PRKCZ: variants seen among roughly 807,000 people sequenced by gnomAD.
PRKCZ encodes the protein protein kinase C zeta, also known as protein kinase C zeta type.
In PRKCZ, 33 loss-of-function variants were observed where a neutral mutation model predicts 79.5. The observed-to-expected ratio is 0.41, with a 90% CI of 0.31 to 0.55. PRKCZ has a LOEUF of 0.55. Among genes scored for constraint, PRKCZ ranks in the 20% least tolerant of loss-of-function variants. The probability of loss-of-function intolerance (pLI) is 0.19; values close to 1 mark genes in which losing one functional copy is unlikely to be tolerated. For synonymous variants in PRKCZ, 342 were observed against 320.9 expected, an observed-to-expected ratio of 1.07 and a Z score of -0.70; for missense variants, 578 against 813.5, an observed-to-expected ratio of 0.71 and a Z score of 3.52.
At position 2,055,547 on chromosome 1, in the gene PRKCZ, T is replaced by TG; in HGVS notation, c.181dup (p.Val61GlyfsTer6). The TG allele has an allele frequency of 6.2e-7, 1 of 1,613,686 alleles. No individual in the cohort carries two copies. The highest frequency in any genetic ancestry group is 8.5e-7 in the Non-Finnish European group (1 of 1,179,838). ...CCAGCAGCACCCGCTCACCCTCAAG[T>TG]GGGTGGACAGCGAAGGTAGCCCTTG... On this transcript the variant is annotated frameshift_variant, in exon 2 of 18. Transcript: ENST00000378567. LOFTEE classifies it high-confidence loss of function.
At chr1:2,071,377 C>G (rs1321299335) in intron 4 of PRKCZ, 1 of 451,410 alleles carries the variant, frequency 2.2e-6, no homozygotes, top group African/African-American at 2.0e-5. Context: ...GCGGCCAAAC[C>G]TAGTGGGGCT....
Position 2,121,667 on chromosome 1 carries a change from CGTG to C in PRKCZ, c.335-13586_335-13584del, listed in dbSNP as rs200951482. Among the ~76,000 whole-genome samples, 9 of 109,630 alleles carry C rather than the reference CGTG, an allele frequency of 8.2e-5. 2 individuals are homozygous for C. The highest frequency in any genetic ancestry group is 2.6e-4 in the East Asian group (1 of 3,794). 71.9% of individuals were successfully genotyped at this position (109,630 alleles called of 152,430 possible). A position where few individuals can be genotyped will look rare whatever the true frequency, so the allele number is the denominator to read the frequency against. ...TTAGGGTCACGGTGGTGGTTAGGGTCGTGGTGGTGGTTAGGGTCACGGTGGTGG... is the reference window on the plus strand; with the variant it reads ...TTAGGGTCACGGTGGTGGTTAGGGTCGTGGTGGTTAGGGTCACGGTGGTGG... On this transcript the variant is annotated intron_variant, in intron 4 of 17. Coordinates refer to ENST00000378567, the MANE Select transcript of PRKCZ (RefSeq NM_002744.6).
chr1:2,080,233 G>A (rs901614036), intron 4 of PRKCZ, among the ~76,000 whole-genome samples: 2 of 143,202 alleles, frequency 1.4e-5, no homozygotes, highest in African/African-American at 6.1e-5. Flanking sequence ...TGTTTGAGCT[G>A]CTGTGTCCAC....
At chr1:2,147,932 GTCTA>G (rs1394872613) in intron 7 of PRKCZ, among the ~76,000 whole-genome samples, 3 of 136,080 alleles carry the variant, frequency 2.2e-5, no homozygotes, top group Non-Finnish European at 4.7e-5. Context: ...TGACCTCTCC[GTCTA>G]TCCATCTATC....
At chr1:2,181,664 T>C in intron 16 of PRKCZ, 5 of 347,166 alleles carry the variant, frequency 1.4e-5, no homozygotes, top group South Asian at 1.1e-4. Flanking sequence ...TCTTGAGCCC[T>C]CGGAGCAGAG....
At chr1:2,061,355 T>C (rs991055152) in intron 4 of PRKCZ, among the ~76,000 whole-genome samples, 1 of 144,440 alleles carries the variant, frequency 6.9e-6, no homozygotes, top group Non-Finnish European at 1.5e-5. Context: ...CTGCCGGCCT[T>C]GCGTAGGGAA....
In PRKCZ at chr1:2,130,294, A is replaced by G. The variant is rs187616142; in HGVS notation, c.335-4968A>G. 4.6e-5 allele frequency among the ~76,000 whole-genome samples: 7 copies of G among 152,182 alleles called. No homozygotes were observed. The East Asian group carries it at 1.3e-3, about 29-fold the overall frequency. Reference sequence around the variant, plus strand: ...CCCTGCTTTCCAGCTGGGGACTGGCATGGACCCCATGGGGCTTCCCCCATT... The same window carrying G: ...CCCTGCTTTCCAGCTGGGGACTGGCGTGGACCCCATGGGGCTTCCCCCATT... On this transcript the variant is annotated intron_variant, in intron 4 of 17. Coordinates refer to ENST00000378567, the MANE Select transcript of PRKCZ (RefSeq NM_002744.6).
At chr1:2,137,774 C>T (rs906654201) in intron 5 of PRKCZ, among the ~76,000 whole-genome samples, 5 of 152,182 alleles carry the variant, frequency 3.3e-5, no homozygotes, top group African/African-American at 9.6e-5. Flanking sequence ...CCCCTCCCCA[C>T]CACCACCAGT....
At chr1:2,181,092 C>A (rs1228745619) in intron 16 of PRKCZ, among the ~76,000 whole-genome samples, 9 of 150,926 alleles carry the variant, frequency 6.0e-5, no homozygotes, top group Admixed American at 2.0e-4. Flanking sequence ...CTCCCCACCC[C>A]ACCCCCGCCA....
At chr1:2,116,655 A>G (rs563684350) in intron 4 of PRKCZ, among the ~76,000 whole-genome samples, 1 of 152,150 alleles carries the variant, frequency 6.6e-6, no homozygotes, top group African/African-American at 2.4e-5. Flanking sequence ...TTTTGCCCCC[A>G]TGTCGTACTG....
intron 4 of PRKCZ, among the ~76,000 whole-genome samples, chr1:2,095,141 T>C (rs1393767611): frequency 1.3e-5 from 2 of 152,180 alleles, no homozygotes; most frequent in Non-Finnish European, 2.9e-5. Flanking sequence ...GTCCCAGATA[T>C]GCCGTCTCCC....
At chr1:2,184,526 A>G in intron 16 of PRKCZ, 57 bp from the exon 17 acceptor site, 1 of 1,336,334 alleles carries the variant, frequency 7.5e-7, no homozygotes, top group Non-Finnish European at 1.1e-6. Flanking sequence ...CAAAACACTC[A>G]ATCTGGTAGG....
At chr1:2,072,815 G>A (rs1026720922) in intron 4 of PRKCZ, among the ~76,000 whole-genome samples, 2 of 152,140 alleles carry the variant, frequency 1.3e-5, no homozygotes, top group African/African-American at 4.8e-5. Context: ...GGTGTGACTG[G>A]TCAGAGCCAG....
At position 2,055,557 on chromosome 1, in the gene PRKCZ, G is replaced by A; in HGVS notation, c.188G>A (p.Ser63Asn). 6.2e-7 allele frequency: 1 copy of A among 1,613,280 alleles called. No individual in the cohort carries two copies. Among genetic ancestry groups the A allele is most frequent in the Non-Finnish European group, 8.5e-7 (1 of 1,179,668 alleles). Residue 63 changes from serine to asparagine, a missense_variant, in exon 2 of 18, where the codon AGC becomes AAC. Ser to Asn is a conservative substitution (Grantham distance 46, BLOSUM62 1). Transcript: ENST00000378567. Reference protein sequence around the residue: ...QHPLTLKWVDSEGDPCTVSSQ... With the variant: ...QHPLTLKWVDNEGDPCTVSSQ... ...CCGCTCACCCTCAAGTGGGTGGACA[G>A]CGAAGGTAGCCCTTGTCCCATGTTG...
In PRKCZ at chr1:2,172,122, C is replaced by T. The variant is rs1475699452; in HGVS notation, c.1129C>T (p.Leu377=). The T allele has an allele frequency of 3.1e-6, 5 of 1,613,544 alleles. No homozygotes were observed. The South Asian group carries it at 3.3e-5, about 11-fold the overall frequency. The part of the protein sequence containing the change: ...LHERGIIYRD[L]KLDNVLLDAD... ...CGAGAGGGGGATCATCTACAGGGAC[C>T]TGAAGCTGGACAACGTCCTCCTGGA... The change falls in exon 12 of 18, where the codon CTG becomes TTG. Residue 377 remains leucine (L), a synonymous_variant. Coordinates refer to ENST00000378567, the MANE Select transcript of PRKCZ (RefSeq NM_002744.6). The surrounding 1 kb of genome is among the most constrained non-coding windows in gnomAD (Gnocchi z 7.8).
At chr1:2,170,305 C>T (rs918043777) in intron 11 of PRKCZ, among the ~76,000 whole-genome samples, 9 of 152,182 alleles carry the variant, frequency 5.9e-5, no homozygotes, top group African/African-American at 1.9e-4. Flanking sequence ...CCTCCAGGAC[C>T]GTTTGGGGGC....
At chr1:2,108,721 C>G (rs1438772282) in intron 4 of PRKCZ, among the ~76,000 whole-genome samples, 1 of 152,218 alleles carries the variant, frequency 6.6e-6, no homozygotes, top group Non-Finnish European at 1.5e-5. Context: ...TCCCTGGTCA[C>G]CACCCCCTGC....
At chr1:2,180,537 CGGACGACGTGGATGCAT>C (rs896461896) in intron 16 of PRKCZ, among the ~76,000 whole-genome samples, 2 of 151,650 alleles carry the variant, frequency 1.3e-5, no homozygotes, top group Admixed American at 6.6e-5. Flanking sequence ...CGTGGACGCA[CGGACGACGTGGATGCAT>C]GGACGACGTG....
chr1:2,183,219 A>AGTCTCT (rs71578365), intron 16 of PRKCZ, among the ~76,000 whole-genome samples: 4 of 151,166 alleles, frequency 2.6e-5, no homozygotes, highest in Admixed American at 2.0e-4. Context: ...AGACAGAGCG[A>AGTCTCT]GTCTCAAAAC....
Sources: allele counts gnomAD v4.1 joint callset (sites outside exome capture counted in the v4.1 genomes callset), GRCh38; gene constraint gnomAD v4.1.1; non-coding constraint Gnocchi (gnomAD v3.1); transcripts MANE v1.5; gene names NCBI Gene and HGNC (gene_info 2026-07-23, HGNC 2026-07-21).